Variants in SLC6A18 observed in about 807,000 individuals in gnomAD.
The protein encoded by SLC6A18 is inactive sodium-dependent neutral amino acid transporter B(0)AT3.
Under a neutral mutation model 62.9 loss-of-function variants are expected in SLC6A18, and 58 were observed. The observed-to-expected ratio is 0.92, with a 90% CI of 0.75 to 1.15. SLC6A18 has a LOEUF of 1.15. Ranked by LOEUF, SLC6A18 falls within the 50% of genes most tolerant of loss-of-function variation. The probability of loss-of-function intolerance (pLI) is 0.00; values close to 1 mark genes in which losing one functional copy is unlikely to be tolerated. For missense variants in SLC6A18, 793 were observed against 836.6 expected (o/e 0.95, Z 0.64); for synonymous variants, 382 against 365.8 (o/e 1.04, Z -0.51).
chr5:1,246,047 C>T lies in SLC6A18; in HGVS notation c.1856C>T (p.Thr619Met), dbSNP rs888618159. 3.1e-6 allele frequency: 5 copies of T among 1,589,316 alleles called. No homozygotes were observed. In the African/African-American group the frequency reaches 5.4e-5, roughly 17 times the overall value. Reference protein sequence around the residue: ...MRPDTDTRPDTDMRPDTDMR With the variant: ...MRPDTDTRPDMDMRPDTDMR ...CCGGACACGGACACGCGCCCAGACA[C>T]GGACATGCGCCCGGACACGGACATG... The change falls in exon 12 of 12, where the codon ACG (threonine) becomes ATG (methionine). Residue 619 changes from threonine to methionine, a missense_variant. Thr to Met is a moderately conservative substitution (Grantham distance 81, BLOSUM62 -1). Coordinates refer to ENST00000324642, the MANE Select transcript of SLC6A18 (RefSeq NM_182632.3).
At chr5:1,228,908 T>C (rs1243905168) in intron 1 of SLC6A18, among the ~76,000 whole-genome samples, 1 of 152,208 alleles carries the variant, frequency 6.6e-6, no homozygotes, top group African/African-American at 2.4e-5. Flanking sequence ...GTAGACATTC[T>C]TACCATGTGG....
At chr5:1,237,375 G>C (rs1003542104) in intron 4 of SLC6A18, among the ~76,000 whole-genome samples, 1 of 151,896 alleles carries the variant, frequency 6.6e-6, no homozygotes. Flanking sequence ...GTAGACCCTT[G>C]TCTACAGCTG....
At chr5:1,233,030 C>T (rs1746776851) in intron 3 of SLC6A18, 142 bp downstream of exon 3, 4 of 1,222,762 alleles carry the variant, frequency 3.3e-6, no homozygotes, top group Admixed American at 2.7e-5. Flanking sequence ...TCTGTGTGCA[C>T]ATGCACGCGC....
At chr5:1,239,821 G>A (rs1747006893) in intron 6 of SLC6A18, among the ~76,000 whole-genome samples, 1 of 152,234 alleles carries the variant, frequency 6.6e-6, no homozygotes, top group African/African-American at 2.4e-5. Context: ...GACACGTGGG[G>A]CCATAAAAGC....
rs368253922 is a variant in SLC6A18 at position 1,246,017 on chromosome 5, T to C, written c.1826T>C (p.Met609Thr). The change falls in exon 12 of 12, where the codon ATG becomes ACG. Residue 609 changes from methionine to threonine, a missense_variant. Coordinates refer to ENST00000324642, the MANE Select transcript of SLC6A18 (RefSeq NM_182632.3). Reference sequence around the variant, plus strand: ...AGGGACGCGCGCCCAGACACGGACATGCGCCCGGACACGGACACGCGCCCA... The same window carrying C: ...AGGGACGCGCGCCCAGACACGGACACGCGCCCGGACACGGACACGCGCCCA... ...RDRDARPDTD[M>T]RPDTDTRPDT... 2.3e-5 allele frequency: 36 copies of C among 1,595,356 alleles called. No individual in the cohort carries two copies. Among genetic ancestry groups the C allele is most frequent in the African/African-American group, 2.0e-4 (15 of 74,552 alleles).
chr5:1,227,888 C>T (rs1746622404), intron 1 of SLC6A18, among the ~76,000 whole-genome samples: 1 of 152,214 alleles, frequency 6.6e-6, no homozygotes, highest in African/African-American at 2.4e-5. Context: ...TTTAAGGTTT[C>T]AACCCAGGAA....
At chr5:1,238,192 A>G (rs979804973) in intron 5 of SLC6A18, 132 bp downstream of exon 5, 7 of 738,162 alleles carry the variant, frequency 9.5e-6, no homozygotes, top group Non-Finnish European at 1.6e-5. Context: ...CCTGGTGGTC[A>G]GGGGTGAGGT....
At chr5:1,233,891 G>A (rs1004168896) in intron 3 of SLC6A18, among the ~76,000 whole-genome samples, 32 of 152,186 alleles carry the variant, frequency 2.1e-4, no homozygotes, top group South Asian at 2.1e-4. Flanking sequence ...ACAGGCGCCT[G>A]CCACCAGGCC....
At position 1,243,747 on chromosome 5, in the gene SLC6A18, G is replaced by A. The variant is rs1241962820; in HGVS notation, c.1324G>A (p.Glu442Lys). The A allele has an allele frequency of 1.2e-6, 2 of 1,607,568 alleles. No individual in the cohort carries two copies. Among genetic ancestry groups the A allele is most frequent in the Middle Eastern group, 1.7e-4 (1 of 6,026 alleles). The change falls in exon 9 of 12, where the codon GAG becomes AAG. Residue 442 changes from glutamate to lysine, a missense_variant. Physicochemically the swap from Glu to Lys is moderately conservative, Grantham distance 56. Transcript: ENST00000324642. The surrounding 1 kb of genome is among the most constrained non-coding windows in gnomAD (Gnocchi z 6.5). ...GGTCCTGCCTAGATGGGTCCCCAAG[G>A]AGGCCCTGACTGGTGAGCGCACAGC... ...VGVLPRWVPK[E>K]ALTGLVCLVC...
intron 5 of SLC6A18, among the ~76,000 whole-genome samples, chr5:1,239,066 G>C (rs1048806105): frequency 2.0e-5 from 3 of 152,246 alleles, no homozygotes; most frequent in Admixed American, 1.3e-4. Context: ...GAAAAGCCAG[G>C]CTCCGTGCAT....
rs1489718820 is a variant in SLC6A18, at chr5:1,244,694, T to A, written c.1583T>A (p.Leu528Gln). Residue 528 changes from leucine (L) to glutamine (Q), a missense_variant, in exon 11 of 12, where the codon CTG becomes CAG. Leu to Gln is a moderately radical substitution (Grantham distance 113). Coordinates refer to ENST00000324642, the MANE Select transcript of SLC6A18 (RefSeq NM_182632.3). ...LTWRVVSPLL[L>Q]TIFVAYIILL... is the part of the protein sequence containing the mutation. The stretch of plus-strand genomic sequence containing the variant: ...TGGAGGGTGGTCAGTCCCCTGCTGC[T>A]GACCATCTTTGTGGCTTACATCATC... 1 of 1,613,322 alleles carries A rather than the reference T, an allele frequency of 6.2e-7. No individual in the cohort carries two copies. The highest frequency in any genetic ancestry group is 1.7e-5 in the Admixed American group (1 of 60,012).
intron 11 of SLC6A18, among the ~76,000 whole-genome samples, chr5:1,245,285 G>A (rs547965122): frequency 3.3e-5 from 5 of 152,124 alleles, no homozygotes; most frequent in Middle Eastern, 3.4e-3. Context: ...CTCCGAAAAC[G>A]CCTCAGGGGC....
chr5:1,240,329 C>G (rs1159733302), intron 6 of SLC6A18, among the ~76,000 whole-genome samples: 1 of 152,204 alleles, frequency 6.6e-6, no homozygotes, highest in Non-Finnish European at 1.5e-5. Flanking sequence ...CAGCCTTGAG[C>G]TGGGGCTGCT....
chr5:1,239,762 A>G (rs1747005014), intron 6 of SLC6A18, among the ~76,000 whole-genome samples, 200 bp downstream of exon 6: 1 of 152,042 alleles, frequency 6.6e-6, no homozygotes, highest in Non-Finnish European at 1.5e-5. Flanking sequence ...GGATAATCAC[A>G]CCCAGGAACC....
intron 11 of SLC6A18, 70 bp downstream of exon 11, chr5:1,244,837 A>G: frequency 6.6e-7 from 1 of 1,509,032 alleles, no homozygotes; most frequent in Admixed American, 2.1e-5. Context: ...CTACGGTGCC[A>G]TCCGGTGCCC....
chr5:1,237,919 C>T (rs115443945), intron 4 of SLC6A18, 31 bp from the exon 5 acceptor site: 6 of 1,569,686 alleles, frequency 3.8e-6, no homozygotes, highest in Non-Finnish European at 5.3e-6. Flanking sequence ...GAGGCCATTT[C>T]AAGTCTCATG....
intron 1 of SLC6A18, among the ~76,000 whole-genome samples, chr5:1,229,463 G>A (rs899315205): frequency 1.3e-5 from 2 of 152,164 alleles, no homozygotes; most frequent in African/African-American, 2.4e-5. Context: ...CCTCAGCCTG[G>A]TCACCTGAGG....
Position 1,243,890 on chromosome 5 carries a change from GC to G in SLC6A18, c.1336+133del. ...AAGCCTGAGTTCAGGGAAAGGCTGA[GC>G]CAGGCTACTCCTTGCTGACAGCCAT... On this transcript the variant is annotated intron_variant, in intron 9 of 11. Transcript: ENST00000324642. This position sits in a 1 kb window ranked among gnomAD's most constrained non-coding sequence, Gnocchi z 6.5. 2 of 932,658 alleles carry G rather than the reference GC, an allele frequency of 2.1e-6. No individual in the cohort carries two copies. Among genetic ancestry groups the G allele is most frequent in the Non-Finnish European group, 1.6e-6 (1 of 639,796 alleles). 57.8% of individuals were successfully genotyped at this position (932,658 alleles called of 1,614,324 possible).
chr5:1,231,501 C>T (rs1746729729), intron 1 of SLC6A18, among the ~76,000 whole-genome samples: 1 of 152,102 alleles, frequency 6.6e-6, no homozygotes, highest in African/African-American at 2.4e-5. Flanking sequence ...CAGGAGAGAC[C>T]GCCAGCCGCC....
Sources: allele counts gnomAD v4.1 joint callset (sites outside exome capture counted in the v4.1 genomes callset), GRCh38; gene constraint gnomAD v4.1.1; non-coding constraint Gnocchi (gnomAD v3.1); transcripts MANE v1.5; gene names NCBI Gene and HGNC (gene_info 2026-07-23, HGNC 2026-07-21).